ABTB3: variants seen among roughly 807,000 people sequenced by gnomAD.
ABTB3 encodes the protein ankyrin repeat- and BTB/POZ domain-containing protein 3.
chr12:107,393,624 A>G, the ABTB3 span, among the ~76,000 whole-genome samples: 1 of 152,086 alleles, frequency 6.6e-6, no homozygotes. Context: ...GGCTCTCAGT[A>G]AATGTTTGTA....
chr12:107,457,953 C>G, the ABTB3 span, among the ~76,000 whole-genome samples: 1 of 152,208 alleles, frequency 6.6e-6, no homozygotes, highest in African/African-American at 2.4e-5. Context: ...TTTGACCTTG[C>G]TGAGCCTCAG....
chr12:107,630,528 C>G, the ABTB3 span, among the ~76,000 whole-genome samples: 1 of 152,002 alleles, frequency 6.6e-6, no homozygotes, highest in Non-Finnish European at 1.5e-5. Flanking sequence ...AGGCTGGCCT[C>G]AAACTCCTGG....
the ABTB3 span, among the ~76,000 whole-genome samples, chr12:107,523,562 G>T: frequency 6.6e-6 from 1 of 152,066 alleles, no homozygotes; most frequent in Non-Finnish European, 1.5e-5. Context: ...GTAGTTCTCC[G>T]GGTTTCTTTT....
chr12:107,447,114 T>C, the ABTB3 span, among the ~76,000 whole-genome samples: 22 of 152,050 alleles, frequency 1.4e-4, no homozygotes, highest in Non-Finnish European at 3.1e-4. Flanking sequence ...ACTGACAAAA[T>C]AAAACAGGCG....
the ABTB3 span, among the ~76,000 whole-genome samples, chr12:107,343,060 G>A: frequency 4.8e-3 from 735 of 152,184 alleles, 1 homozygote; most frequent in Non-Finnish European, 7.5e-3. Context: ...TGTCACCCAG[G>A]CTGGAGTGCA....
the ABTB3 span, among the ~76,000 whole-genome samples, chr12:107,380,844 T>C: frequency 6.6e-6 from 1 of 152,216 alleles, no homozygotes; most frequent in African/African-American, 2.4e-5. Flanking sequence ...ATGTATATTT[T>C]ATAATGACCT....
At chr12:107,619,720 A>G in the ABTB3 span, among the ~76,000 whole-genome samples, 16 of 152,174 alleles carry the variant, frequency 1.1e-4, no homozygotes, top group African/African-American at 3.9e-4. Flanking sequence ...TGCAGCCTCT[A>G]ATAATATGAG....
the ABTB3 span, among the ~76,000 whole-genome samples, chr12:107,583,734 C>A: frequency 3.9e-5 from 6 of 152,314 alleles, no homozygotes; most frequent in Admixed American, 2.6e-4. Flanking sequence ...ATTTCAATTT[C>A]AGCATCTGTC....
At chr12:107,498,493 G>T in the ABTB3 span, among the ~76,000 whole-genome samples, 37 of 152,280 alleles carry the variant, frequency 2.4e-4, no homozygotes, top group African/African-American at 8.7e-4. Context: ...TTACAATGAT[G>T]TAGGTCAGAA....
At chr12:107,480,858 G>T in the ABTB3 span, among the ~76,000 whole-genome samples, 1 of 152,170 alleles carries the variant, frequency 6.6e-6, no homozygotes, top group East Asian at 1.9e-4. Context: ...CCAGAGTTCT[G>T]CAGGAACACT....
the ABTB3 span, among the ~76,000 whole-genome samples, chr12:107,493,122 G>A: frequency 3.1e-4 from 47 of 152,202 alleles, no homozygotes; most frequent in Admixed American, 2.3e-3. Context: ...AAAATAGAGG[G>A]GAGAAGAGTA....
chr12:107,516,580 G>C, the ABTB3 span, among the ~76,000 whole-genome samples: 1 of 152,116 alleles, frequency 6.6e-6, no homozygotes, highest in African/African-American at 2.4e-5. Context: ...CATCTACTAG[G>C]GTTCCCTACC....
chr12:107,440,326 C>A, the ABTB3 span, among the ~76,000 whole-genome samples: 209 of 152,328 alleles, frequency 1.4e-3, no homozygotes, highest in Non-Finnish European at 2.5e-3. Flanking sequence ...TCCCAGACAC[C>A]CCAAGCTCAC....
chr12:107,338,628 C>A, the ABTB3 span, among the ~76,000 whole-genome samples: 1 of 152,104 alleles, frequency 6.6e-6, no homozygotes, highest in Non-Finnish European at 1.5e-5. Context: ...ATAATCCAAC[C>A]AACCCAAGGA....
chr12:107,412,564 TG>T, the ABTB3 span, among the ~76,000 whole-genome samples: 2 of 152,028 alleles, frequency 1.3e-5, no homozygotes, highest in African/African-American at 4.8e-5. Flanking sequence ...GTCCGAAAAC[TG>T]GGGCCCCAAG....
the ABTB3 span, among the ~76,000 whole-genome samples, chr12:107,387,972 C>CTTTTTTTTTTTT: frequency 8.3e-6 from 1 of 120,204 alleles, no homozygotes; most frequent in Non-Finnish European, 1.7e-5. Flanking sequence ...TCTTCTTCTT[C>CTTTTTTTTTTTT]TTTTTTTTTT....
the ABTB3 span, among the ~76,000 whole-genome samples, chr12:107,354,002 G>T: frequency 6.6e-6 from 1 of 152,050 alleles, no homozygotes; most frequent in Non-Finnish European, 1.5e-5. Context: ...GTTTAATGTT[G>T]TTTAGGATAG....
At chr12:107,657,583 C>G in the ABTB3 span, 63 of 1,614,172 alleles carry the variant, frequency 3.9e-5, no homozygotes, top group East Asian at 1.4e-3. Context: ...TCATTGAAAA[C>G]GAAGCATTCA....
the ABTB3 span, among the ~76,000 whole-genome samples, chr12:107,620,450 T>A: frequency 5.3e-5 from 8 of 151,632 alleles, no homozygotes; most frequent in African/African-American, 1.9e-4. Flanking sequence ...TACCAACATG[T>A]GTGCCCCAAC....
Sources: allele counts gnomAD v4.1 joint callset (sites outside exome capture counted in the v4.1 genomes callset), GRCh38; gene constraint gnomAD v4.1.1; transcripts MANE v1.5; gene names NCBI Gene and HGNC (gene_info 2026-07-23, HGNC 2026-07-21).